AP4M1: variants seen among roughly 807,000 people sequenced by gnomAD.
AP4M1 encodes AP-4 complex subunit mu-1.
In AP4M1, 58 loss-of-function variants were observed where a neutral mutation model predicts 62.4. That is an observed-to-expected ratio of 0.93 (90% confidence interval 0.75 to 1.16). The LOEUF (loss-of-function observed/expected upper bound fraction) is 1.16, where lower values mean the gene tolerates loss of function less well. AP4M1 is among the 50% of genes most tolerant of loss of function. The pLI, the probability that AP4M1 is intolerant of heterozygous loss-of-function variation, is 0.00. For missense variants in AP4M1, 626 were observed against 585.4 expected (o/e 1.07, Z -0.72); for synonymous variants, 290 against 239.7 (o/e 1.21, Z -1.94).
chr7:100,105,595 T>C, intron 11 of AP4M1, 56 bp downstream of exon 11: 2 of 1,519,228 alleles, frequency 1.3e-6, no homozygotes, highest in South Asian at 2.2e-5. Flanking sequence ...AAGACCTGTA[T>C]GTTCCCAAGA....
At chr7:100,104,286 G>A in intron 7 of AP4M1, 132 bp downstream of exon 7, 1 of 801,920 alleles carries the variant, frequency 1.2e-6, no homozygotes, top group Non-Finnish European at 2.1e-6. Context: ...GGGAGGCCGA[G>A]GTGGGAGAAT....
chr7:100,101,085 C>T (rs943089198), upstream of AP4M1: 15 of 763,092 alleles, frequency 2.0e-5, no homozygotes, highest in Admixed American at 2.5e-4. Context: ...ACATCGATGG[C>T]CCCCCGCACG....
rs761060979 is a variant in AP4M1 at position 100,108,008 on chromosome 7, G to A, written c.*1126G>A. ...AGGGGAAGGCTGTGGTGGGGCAGCC[G>A]CTCGTGCAGACACCAGTGTCTGGAC... On this transcript the variant is annotated 3_prime_UTR_variant, in exon 15 of 15. Transcript: ENST00000359593. The A allele has an allele frequency of 1.1e-5, 17 of 1,613,818 alleles. No individual in the cohort carries two copies. Among genetic ancestry groups the A allele is most frequent in the African/African-American group, 2.7e-5 (2 of 74,902 alleles).
At chr7:100,101,538 C>A, upstream of AP4M1, 1 of 802,034 alleles carries the variant, frequency 1.2e-6, no homozygotes, top group Non-Finnish European at 2.1e-6. Context: ...GTGCGGGCGT[C>A]GGAAGGGAAT....
intron 6 of AP4M1, 116 bp downstream of exon 6, chr7:100,103,808 G>C: frequency 9.0e-7 from 1 of 1,115,870 alleles, no homozygotes; most frequent in Non-Finnish European, 1.3e-6. Flanking sequence ...TTGGGAGGCC[G>C]AGGTGGGCAG....
chr7:100,101,570 C>A (rs1322817966), upstream of AP4M1: 6 of 909,066 alleles, frequency 6.6e-6, no homozygotes, highest in East Asian at 2.5e-5. Context: ...GTAGTGCAGG[C>A]GCCGGGTTTC....
intron 2 of AP4M1, chr7:100,102,459 C>T (rs935847598): frequency 1.7e-4 from 103 of 614,188 alleles, no homozygotes; most frequent in Non-Finnish European, 2.2e-4. Flanking sequence ...AGGCCCAGCT[C>T]CCTGCGTGAC....
Position 100,108,619 on chromosome 7 carries a change from GAGAAGAACCTTGGGGATGGGGTAA to G in AP4M1, c.*1739_*1762del. ...TAGAGGGAGGGCTGGTGACACTCTT[GAGAAGAACCTTGGGGATGGGGTAA>G]AAAAGGACATTCCTTATCATCTCAG... On this transcript the variant is annotated 3_prime_UTR_variant, in exon 15 of 15. Transcript: ENST00000359593. The G allele has an allele frequency of 2.0e-6, 3 of 1,478,282 alleles. No individual in the cohort carries two copies. The South Asian group carries it at 3.9e-5, about 19-fold the overall frequency. 91.6% of individuals were successfully genotyped at this position (1,478,282 alleles called of 1,614,324 possible).
chr7:100,102,047 C>T, intron 2 of AP4M1, 79 bp downstream of exon 2: 1 of 1,495,728 alleles, frequency 6.7e-7, no homozygotes, highest in Non-Finnish European at 9.3e-7. Flanking sequence ...AGGACTGGTT[C>T]ATTGGTAGAT....
chr7:100,105,433 C>G lies in AP4M1; in HGVS notation c.835-12C>G, dbSNP rs1202090018. ...GAGACCAAACTAACCTTGTTGCTCT[C>G]TGGTCTCTCAGCTGACTGTGATGCG... On this transcript the variant is annotated splice_polypyrimidine_tract_variant and intron_variant, in intron 10 of 14. Coordinates refer to ENST00000359593, the MANE Select transcript of AP4M1 (RefSeq NM_004722.4). 1 of 1,613,602 alleles carries G rather than the reference C, an allele frequency of 6.2e-7. No individual in the cohort carries two copies. The highest frequency in any genetic ancestry group is 8.5e-7 in the Non-Finnish European group (1 of 1,179,646).
At chr7:100,105,861 C>A in intron 11 of AP4M1, 98 bp from the exon 12 acceptor site, 1 of 1,397,280 alleles carries the variant, frequency 7.2e-7, no homozygotes, top group Non-Finnish European at 1.0e-6. Flanking sequence ...GGGAGTACAG[C>A]CCACACCCAC....
intron 11 of AP4M1, 67 bp from the exon 12 acceptor site, chr7:100,105,892 C>G (rs1562910903): frequency 3.2e-6 from 5 of 1,583,360 alleles, no homozygotes; most frequent in Middle Eastern, 1.7e-4. Context: ...ATGGAGGTCC[C>G]TGGTGGGGAA....
rs1796572537 is a variant in AP4M1, at chr7:100,107,023, G to A, written c.*141G>A. 2.4e-6 allele frequency: 3 copies of A among 1,229,890 alleles called. No individual in the cohort carries two copies. In the Admixed American group the frequency reaches 6.0e-5, roughly 24 times the overall value. 76.2% of individuals were successfully genotyped at this position (1,229,890 alleles called of 1,614,324 possible). On this transcript the variant is annotated 3_prime_UTR_variant, in exon 15 of 15. Transcript: ENST00000359593. Reference sequence around the variant, plus strand: ...AGTCCCAAGACCAGGAGGGGGCAATGGGCCCAGCCTTTCTGTGGTATCTGA... The same window carrying A: ...AGTCCCAAGACCAGGAGGGGGCAATAGGCCCAGCCTTTCTGTGGTATCTGA...
At chr7:100,103,213 GTTTAT>G (rs957574042) in intron 4 of AP4M1, 191 bp from the exon 5 acceptor site, 20 of 673,902 alleles carry the variant, frequency 3.0e-5, no homozygotes, top group African/African-American at 2.3e-4. Flanking sequence ...CTAGCTAATT[GTTTAT>G]TTTTTGTAGA....
At position 100,107,009 on chromosome 7, in the gene AP4M1, C is replaced by A; in HGVS notation, c.*127C>A. On this transcript the variant is annotated 3_prime_UTR_variant, in exon 15 of 15. Transcript: ENST00000359593. The stretch of plus-strand genomic sequence containing the variant: ...CAGGAAGAGTCCTCAGTCCCAAGAC[C>A]AGGAGGGGGCAATGGGCCCAGCCTT... 1.6e-6 allele frequency: 2 copies of A among 1,278,028 alleles called. No homozygotes were observed. Among genetic ancestry groups the A allele is most frequent in the Non-Finnish European group, 2.2e-6 (2 of 913,062 alleles). 79.2% of individuals were successfully genotyped at this position (1,278,028 alleles called of 1,614,324 possible).
In AP4M1 at chr7:100,108,879, C is replaced by A. The variant is rs866850766; in HGVS notation, c.*1997C>A. The A allele has an allele frequency of 2.5e-5, 5 of 196,776 alleles. No homozygotes were observed. The highest frequency in any genetic ancestry group is 9.4e-5 in the African/African-American group (4 of 42,520). 12.2% of individuals were successfully genotyped at this position (196,776 alleles called of 1,614,324 possible). ...TCTCCACTAAAAATACAAAAACTAG[C>A]CAGGCATGGTGGCACGCACCTGTAG... On this transcript the variant is annotated 3_prime_UTR_variant, in exon 15 of 15. Transcript: ENST00000359593.
In AP4M1 at chr7:100,102,924, T is replaced by C. The variant is rs1471067732; in HGVS notation, c.315T>C (p.Asn105=). The C allele has an allele frequency of 1.1e-5, 18 of 1,614,020 alleles. No individual in the cohort carries two copies. Among genetic ancestry groups the C allele is most frequent in the East Asian group, 2.2e-5 (1 of 44,894 alleles). ...GSLGEGTISR[N]VALVYELLDE... ...TGGGCGAGGGGACCATCTCCCGCAA[T>C]GTGGCTCTGGTATACGAACTCCTGG... The change falls in exon 4 of 15, where the codon AAT becomes AAC. Residue 105 remains asparagine, a synonymous_variant. Transcript: ENST00000359593.
rs775602399 is a variant in AP4M1 at position 100,105,516 on chromosome 7, G to T, written c.906G>T (p.Val302=). The T allele has an allele frequency of 6.2e-7, 1 of 1,613,718 alleles. No individual in the cohort carries two copies. The change falls in exon 11 of 15, where the codon GTG becomes GTT. Residue 302 remains valine, a synonymous_variant. Transcript: ENST00000359593. ...SPLPFRLFPS[V]QWDRGSGRLQ... is the part of the protein sequence containing the mutation. ...TCCCCTTCCGGCTCTTCCCCTCTGT[G>T]CAGTGGGACCGAGGCTCAGGCCGGT... is the stretch of plus-strand genomic sequence containing the variant.
chr7:100,102,888 C>A lies in AP4M1; in HGVS notation c.279C>A (p.Tyr93Ter). ...GGTTGGCCACCCTTCTGGGCGATTA[C>A]TGTGGCTCCCTGGGCGAGGGGACCA... The part of the protein sequence containing the change: ...LSRLATLLGD[Y>*]CGSLGEGTIS... The change falls in exon 4 of 15, where the codon TAC (tyrosine) becomes TAA (stop). Residue 93 changes from tyrosine to a stop codon, truncating the protein, a stop_gained. Transcript: ENST00000359593. LOFTEE classifies it high-confidence loss of function. 1 of 1,614,118 alleles carries A rather than the reference C, an allele frequency of 6.2e-7. No individual in the cohort carries two copies. Among genetic ancestry groups the A allele is most frequent in the South Asian group, 1.1e-5 (1 of 91,084 alleles).
Sources: gnomAD v4.1 joint callset for allele counts on GRCh38, gnomAD v4.1.1 for gene constraint, MANE v1.5 for transcripts, NCBI Gene and HGNC (gene_info 2026-07-23, HGNC 2026-07-21) for gene names.